ARK2N: variants seen among roughly 807,000 people sequenced by gnomAD.
The protein encoded by ARK2N is protein ARK2N.
chr18:46,262,042 C>A, the ARK2N span, among the ~76,000 whole-genome samples: 3 of 152,204 alleles, frequency 2.0e-5, no homozygotes, highest in Admixed American at 6.5e-5. Context: ...CCACTTGTTA[C>A]TTCTCACATA....
chr18:46,249,868 C>T, the ARK2N span, among the ~76,000 whole-genome samples: 10 of 152,110 alleles, frequency 6.6e-5, no homozygotes, highest in Non-Finnish European at 1.2e-4. Context: ...TTCTCCCAGG[C>T]TGGAGTGCAG....
the ARK2N span, chr18:46,217,437 G>C: frequency 1.4e-4 from 22 of 152,182 alleles, no homozygotes; most frequent in African/African-American, 5.1e-4. Flanking sequence ...TTTGTAAACT[G>C]TATGGCATTG....
the ARK2N span, among the ~76,000 whole-genome samples, chr18:46,180,795 C>T: frequency 6.6e-6 from 1 of 151,866 alleles, no homozygotes; most frequent in Admixed American, 6.6e-5. Context: ...GAGTTTCCTT[C>T]CTGCTCTAAA....
the ARK2N span, among the ~76,000 whole-genome samples, chr18:46,250,655 A>T: frequency 6.6e-6 from 1 of 152,034 alleles, no homozygotes; most frequent in East Asian, 1.9e-4. Context: ...CTCTGAAAGG[A>T]AATTCTTTAA....
At chr18:46,198,765 A>AT in the ARK2N span, among the ~76,000 whole-genome samples, 1 of 151,838 alleles carries the variant, frequency 6.6e-6, no homozygotes, top group Non-Finnish European at 1.5e-5. Context: ...CACCTGGCTA[A>AT]TTTTTGTATT....
the ARK2N span, among the ~76,000 whole-genome samples, chr18:46,255,526 A>G: frequency 7.9e-6 from 1 of 127,272 alleles, no homozygotes; most frequent in East Asian, 2.2e-4. Context: ...ATCTTGGCTC[A>G]CTGCAACCTC....
chr18:46,207,668 G>A, the ARK2N span, among the ~76,000 whole-genome samples: 18 of 152,180 alleles, frequency 1.2e-4, no homozygotes, highest in Non-Finnish European at 2.1e-4. Flanking sequence ...GATTACAGGC[G>A]TGAGCCACGG....
At chr18:46,198,217 C>A in the ARK2N span, among the ~76,000 whole-genome samples, 2 of 144,930 alleles carry the variant, frequency 1.4e-5, no homozygotes, top group Non-Finnish European at 3.0e-5. Context: ...ACGAGAATCA[C>A]AGAATCACTT....
chr18:46,240,065 T>G, the ARK2N span: 3 of 1,614,226 alleles, frequency 1.9e-6, no homozygotes, highest in East Asian at 6.7e-5. Context: ...CCAGAAGTGG[T>G]AAATGTGGAC....
the ARK2N span, among the ~76,000 whole-genome samples, chr18:46,188,118 A>G: frequency 6.6e-6 from 1 of 152,198 alleles, no homozygotes; most frequent in Non-Finnish European, 1.5e-5. Context: ...TGTTTTTATG[A>G]TGCCTTGGCA....
chr18:46,240,267 TGAG>T, the ARK2N span: 13 of 1,466,696 alleles, frequency 8.9e-6, no homozygotes, highest in Middle Eastern at 1.8e-4. Context: ...TGGACCCTGA[TGAG>T]GAGAACAGGT....
the ARK2N span, among the ~76,000 whole-genome samples, chr18:46,195,806 C>G: frequency 1.3e-5 from 2 of 151,896 alleles, no homozygotes; most frequent in East Asian, 3.9e-4. Context: ...GAACTCCTGA[C>G]CTCAAGTGAT....
the ARK2N span, among the ~76,000 whole-genome samples, chr18:46,231,528 G>GA: frequency 1.4e-5 from 2 of 140,112 alleles, no homozygotes; most frequent in East Asian, 2.2e-4. Context: ...TTAAGCTTGA[G>GA]AAAAAATGTC....
chr18:46,187,138 G>A, the ARK2N span, among the ~76,000 whole-genome samples: 1 of 151,426 alleles, frequency 6.6e-6, no homozygotes, highest in Non-Finnish European at 1.5e-5. Flanking sequence ...ACAGGCATGA[G>A]CCACCTTGCC....
the ARK2N span, chr18:46,263,080 AC>A: frequency 6.2e-7 from 1 of 1,614,036 alleles, no homozygotes; most frequent in Non-Finnish European, 8.5e-7. Flanking sequence ...TGTTGACCTT[AC>A]CTTGGATGAG....
At chr18:46,223,754 A>T in the ARK2N span, among the ~76,000 whole-genome samples, 8,886 of 152,242 alleles carry the variant, frequency 0.058, 351 homozygotes, top group East Asian at 0.13. Flanking sequence ...GGCTTTGGGG[A>T]TACAACAGTG....
chr18:46,253,911 A>G, the ARK2N span: 1 of 1,415,906 alleles, frequency 7.1e-7, no homozygotes, highest in African/African-American at 1.4e-5. Flanking sequence ...GGTAGACTTT[A>G]TGGCATAGCT....
the ARK2N span, among the ~76,000 whole-genome samples, chr18:46,248,934 A>G: frequency 6.6e-6 from 1 of 152,004 alleles, no homozygotes; most frequent in Non-Finnish European, 1.5e-5. Flanking sequence ...ACTTCATTGG[A>G]CCAATCCCCC....
At chr18:46,192,204 C>CG in the ARK2N span, among the ~76,000 whole-genome samples, 10 of 152,126 alleles carry the variant, frequency 6.6e-5, no homozygotes, top group African/African-American at 2.4e-4. Flanking sequence ...CTTGACTTTA[C>CG]CAATTTATTG....
Sources: allele counts gnomAD v4.1 joint callset (sites outside exome capture counted in the v4.1 genomes callset), GRCh38; gene constraint gnomAD v4.1.1; transcripts MANE v1.5; gene names NCBI Gene and HGNC (gene_info 2026-07-23, HGNC 2026-07-21).